Variants in SND1 observed in about 807,000 individuals in gnomAD.
SND1 encodes the protein staphylococcal nuclease and tudor domain containing 1, also known as staphylococcal nuclease domain-containing protein 1.
Under a neutral mutation model 121.7 loss-of-function variants are expected in SND1, and 38 were observed. The ratio of observed to expected loss-of-function variants is 0.31; its 90% CI spans 0.24 to 0.41. The LOEUF (loss-of-function observed/expected upper bound fraction) is 0.41. Among genes scored for constraint, SND1 ranks in the 10% least tolerant of loss-of-function variants. The probability of loss-of-function intolerance (pLI) is 1.00; values close to 1 mark genes in which losing one functional copy is unlikely to be tolerated. For synonymous variants in SND1, 401 were observed against 447.4 expected (o/e 0.90, Z 1.31); for missense variants, 868 against 1,184.6 (o/e 0.73, Z 3.92).
At chr7:127,789,972 T>C (rs1213444216) in intron 10 of SND1, among the ~76,000 whole-genome samples, 2 of 152,246 alleles carry the variant, frequency 1.3e-5, no homozygotes, top group Admixed American at 1.3e-4. Flanking sequence ...AAACCTCCTA[T>C]CTTTAGAAGT....
At chr7:127,907,401 A>C (rs1317860409) in intron 14 of SND1, among the ~76,000 whole-genome samples, 1 of 152,234 alleles carries the variant, frequency 6.6e-6, no homozygotes, top group African/African-American at 2.4e-5. Context: ...CCAGATGAAA[A>C]ATAAACAGGG....
intron 17 of SND1, among the ~76,000 whole-genome samples, chr7:128,075,602 GTCTC>G (rs771636224): frequency 2.6e-5 from 4 of 152,188 alleles, no homozygotes; most frequent in African/African-American, 7.2e-5. Context: ...GTCCTCCTGG[GTCTC>G]TCTCTATCTA....
chr7:127,806,916 G>C (rs1188077497), intron 10 of SND1, among the ~76,000 whole-genome samples: 1 of 152,142 alleles, frequency 6.6e-6, no homozygotes. Flanking sequence ...CCAAGATCAT[G>C]CCCCTGCACT....
intron 10 of SND1, among the ~76,000 whole-genome samples, chr7:127,729,115 A>G (rs1320000051): frequency 2.0e-5 from 3 of 152,072 alleles, no homozygotes; most frequent in Admixed American, 6.6e-5. Context: ...TCAGTCCACC[A>G]GAGGGGTTAA....
intron 16 of SND1, among the ~76,000 whole-genome samples, chr7:128,061,597 A>C (rs2117034713): frequency 6.6e-6 from 1 of 152,360 alleles, no homozygotes; most frequent in South Asian, 2.1e-4. Context: ...GCTGCGGCAC[A>C]TTAGAGCTCC....
rs1042747564 is a variant in SND1, at chr7:128,066,732, A to G, written c.1780-7770A>G. Among the ~76,000 whole-genome samples, 6 of 152,302 alleles carry G rather than the reference A, an allele frequency of 3.9e-5. No homozygotes were observed. The East Asian group carries it at 9.6e-4, about 24-fold the overall frequency. On this transcript the variant is annotated intron_variant, in intron 16 of 23. Coordinates refer to ENST00000354725, the MANE Select transcript of SND1 (RefSeq NM_014390.4). ...AACTGTTACTGTGTTAAGGTGAGGTATCTCTTCAAGTTCACAGTTCTGGCT... is the reference window on the plus strand; with the variant it reads ...AACTGTTACTGTGTTAAGGTGAGGTGTCTCTTCAAGTTCACAGTTCTGGCT...
chr7:128,035,592 T>G (rs1048744116), intron 16 of SND1, among the ~76,000 whole-genome samples: 4 of 152,266 alleles, frequency 2.6e-5, no homozygotes, highest in African/African-American at 9.6e-5. Context: ...TCTGTCCTTT[T>G]TGACCTCAGT....
At chr7:127,789,377 C>T (rs1797870041) in intron 10 of SND1, among the ~76,000 whole-genome samples, 1 of 152,192 alleles carries the variant, frequency 6.6e-6, no homozygotes, top group Admixed American at 6.5e-5. Context: ...TCATAAATTA[C>T]ACATGCATAA....
intron 15 of SND1, among the ~76,000 whole-genome samples, chr7:127,932,913 G>T (rs530180769): frequency 1.3e-5 from 2 of 152,266 alleles, no homozygotes; most frequent in Admixed American, 6.5e-5. Flanking sequence ...TCACTTCATT[G>T]CAGTGGTCTG....
chr7:127,806,779 T>C (rs1358569488), intron 10 of SND1, among the ~76,000 whole-genome samples: 2 of 152,056 alleles, frequency 1.3e-5, no homozygotes, highest in Non-Finnish European at 2.9e-5. Context: ...AGCCAATAGG[T>C]GAAACCCCAT....
intron 16 of SND1, among the ~76,000 whole-genome samples, chr7:128,032,827 A>G (rs1792671727): frequency 6.6e-6 from 1 of 151,914 alleles, no homozygotes; most frequent in Non-Finnish European, 1.5e-5. Flanking sequence ...CTGTGCTCTC[A>G]CTGGGGCTTT....
intron 11 of SND1, among the ~76,000 whole-genome samples, chr7:127,841,831 T>C (rs889576440): frequency 1.3e-5 from 2 of 152,234 alleles, no homozygotes; most frequent in Non-Finnish European, 2.9e-5. Context: ...TTTATAGTAG[T>C]TGTTAAGACC....
chr7:127,803,114 C>T (rs1415227981), intron 10 of SND1, among the ~76,000 whole-genome samples: 2 of 152,244 alleles, frequency 1.3e-5, no homozygotes, highest in Non-Finnish European at 2.9e-5. Context: ...GTGTCTTCAT[C>T]TCCTGCTGCC....
intron 9 of SND1, among the ~76,000 whole-genome samples, chr7:127,719,649 G>C (rs898595665): frequency 6.6e-6 from 1 of 152,146 alleles, no homozygotes; most frequent in Non-Finnish European, 1.5e-5. Flanking sequence ...CCTGTTTTCA[G>C]GGTTGTAAGT....
intron 14 of SND1, among the ~76,000 whole-genome samples, chr7:127,911,906 C>CCTCA (rs1233696740): frequency 2.0e-5 from 3 of 152,094 alleles, no homozygotes; most frequent in African/African-American, 7.2e-5. Flanking sequence ...AGCCAGTTGC[C>CCTCA]CTCACCCTTA....
chr7:127,728,984 C>T (rs1796628132), intron 10 of SND1, among the ~76,000 whole-genome samples: 1 of 151,774 alleles, frequency 6.6e-6, no homozygotes, highest in Non-Finnish European at 1.5e-5. Context: ...TCTGTAGGCA[C>T]TTCTTCTTCT....
chr7:127,984,025 C>T (rs994925338), intron 15 of SND1, among the ~76,000 whole-genome samples: 2 of 152,156 alleles, frequency 1.3e-5, no homozygotes, highest in African/African-American at 4.8e-5. Flanking sequence ...TCTTAGTCAC[C>T]GCTTAGCTGA....
chr7:128,034,127 G>A (rs752143175), intron 16 of SND1, among the ~76,000 whole-genome samples: 2 of 152,150 alleles, frequency 1.3e-5, no homozygotes, highest in Non-Finnish European at 2.9e-5. Flanking sequence ...TGAGTCCGAT[G>A]TTTTCATCAC....
chr7:127,876,012 G>A (rs79199991), intron 12 of SND1, among the ~76,000 whole-genome samples: 2 of 152,016 alleles, frequency 1.3e-5, no homozygotes, highest in African/African-American at 2.4e-5. Context: ...TCAGAATTTT[G>A]TGAAGATCAA....
Sources: gnomAD v4.1 joint callset for allele counts (sites outside exome capture counted in the v4.1 genomes callset) on GRCh38, gnomAD v4.1.1 for gene constraint, MANE v1.5 for transcripts, NCBI Gene and HGNC (gene_info 2026-07-23, HGNC 2026-07-21) for gene names.